Variants in CDH18 observed in about 807,000 individuals in gnomAD.
The protein encoded by CDH18 is cadherin 18, also known as cadherin-18.
Under a neutral mutation model 67.9 loss-of-function variants are expected in CDH18, and 31 were observed. That is an observed-to-expected ratio of 0.46 (90% confidence interval 0.34 to 0.62). CDH18 has a LOEUF of 0.62. CDH18 is among the 20% of genes least tolerant of loss of function. CDH18 has a pLI of 0.01. For missense variants in CDH18, 890 were observed against 975.5 expected (o/e 0.91, Z 1.17); for synonymous variants, 362 against 347.2 (o/e 1.04, Z -0.48).
intron 2 of CDH18, among the ~76,000 whole-genome samples, chr5:20,212,813 G>A (rs1605666): frequency 0.71 from 108,138 of 151,998 alleles, 39,469 homozygotes; most frequent in African/African-American, 0.89. Flanking sequence ...TCTTGCCTCA[G>A]TGATGAGGAC....
intron 2 of CDH18, among the ~76,000 whole-genome samples, chr5:19,968,221 G>A (rs1797658841): frequency 6.6e-6 from 1 of 152,100 alleles, no homozygotes; most frequent in Non-Finnish European, 1.5e-5. Context: ...AACATTCCAT[G>A]CTCATGGGTG....
At chr5:20,369,276 G>GA (rs141158894) in intron 1 of CDH18, among the ~76,000 whole-genome samples, 3,498 of 151,144 alleles carry the variant, frequency 0.023, 107 homozygotes, top group East Asian at 0.08. Flanking sequence ...CAGGAAATAA[G>GA]AAAAAAAAGA....
At chr5:19,609,290 C>T (rs771177206) in intron 6 of CDH18, among the ~76,000 whole-genome samples, 1 of 151,804 alleles carries the variant, frequency 6.6e-6, no homozygotes, top group Non-Finnish European at 1.5e-5. Context: ...TTTTGTTTTG[C>T]TTTGTTTTGT....
intron 3 of CDH18, among the ~76,000 whole-genome samples, chr5:19,773,163 A>G (rs1229569571): frequency 6.6e-6 from 1 of 152,168 alleles, no homozygotes; most frequent in African/African-American, 2.4e-5. Flanking sequence ...ACTAAGAACC[A>G]ACTAACTGCA....
intron 2 of CDH18, among the ~76,000 whole-genome samples, chr5:20,210,489 T>C: frequency 6.6e-6 from 1 of 152,128 alleles, no homozygotes; most frequent in South Asian, 2.1e-4. Context: ...ATTGTATTGC[T>C]TAAATGATTA....
At chr5:19,473,952 T>C (rs1368965782) in intron 12 of CDH18, among the ~76,000 whole-genome samples, 2 of 152,152 alleles carry the variant, frequency 1.3e-5, no homozygotes, top group Admixed American at 6.6e-5. Context: ...TGATCTTCTA[T>C]AGAAAACCAC....
At chr5:20,571,829 G>A (rs1758837868) in intron 1 of CDH18, among the ~76,000 whole-genome samples, 1 of 151,986 alleles carries the variant, frequency 6.6e-6, no homozygotes, top group African/African-American at 2.4e-5. Flanking sequence ...CACTCACATT[G>A]TGTATGTCAC....
intron 11 of CDH18, among the ~76,000 whole-genome samples, chr5:19,495,260 T>A (rs1416862159): frequency 6.6e-6 from 1 of 152,170 alleles, no homozygotes; most frequent in Non-Finnish European, 1.5e-5. Flanking sequence ...GCAGCAATCA[T>A]CTTCATGATA....
chr5:19,825,000 A>G (rs1430309216), intron 3 of CDH18, among the ~76,000 whole-genome samples: 2 of 152,108 alleles, frequency 1.3e-5, no homozygotes, highest in Non-Finnish European at 2.9e-5. Flanking sequence ...CTTTTGACCT[A>G]GTGGTTTTAC....
At chr5:20,250,438 G>A (rs1168612485) in intron 2 of CDH18, among the ~76,000 whole-genome samples, 3 of 151,666 alleles carry the variant, frequency 2.0e-5, no homozygotes, top group African/African-American at 7.2e-5. Context: ...GACTGCAGGC[G>A]CCCGCCACCA....
intron 5 of CDH18, among the ~76,000 whole-genome samples, chr5:19,700,546 T>C (rs1763105566): frequency 6.6e-6 from 1 of 152,206 alleles, no homozygotes; most frequent in African/African-American, 2.4e-5. Flanking sequence ...GGGGTTTTCA[T>C]GCACAGTTTC....
intron 1 of CDH18, among the ~76,000 whole-genome samples, chr5:20,540,504 G>C (rs1283321645): frequency 6.6e-6 from 1 of 152,146 alleles, no homozygotes; most frequent in Admixed American, 6.5e-5. Flanking sequence ...ATAAAACTCT[G>C]TGATAGCCAA....
chr5:20,227,016 A>G (rs552063896), intron 2 of CDH18, among the ~76,000 whole-genome samples: 65 of 152,100 alleles, frequency 4.3e-4, no homozygotes, highest in South Asian at 3.5e-3. Flanking sequence ...TCTTAACCCA[A>G]TTATTTTCTC....
chr5:19,937,265 A>G (rs1794375367), intron 2 of CDH18, among the ~76,000 whole-genome samples: 1 of 151,254 alleles, frequency 6.6e-6, no homozygotes, highest in Non-Finnish European at 1.5e-5. Flanking sequence ...TTGATTAGGC[A>G]ATTATTCTTT....
At chr5:19,806,489 T>C (rs1289463306) in intron 3 of CDH18, among the ~76,000 whole-genome samples, 2 of 152,218 alleles carry the variant, frequency 1.3e-5, no homozygotes, top group African/African-American at 2.4e-5. Flanking sequence ...GCCTTATCAA[T>C]GTACATAATA....
Position 20,305,589 on chromosome 5 carries a change from C to T in CDH18, c.-579-50084G>A, listed in dbSNP as rs1346387574. 9.5e-6 allele frequency: 5 copies of T among 524,544 alleles called. No homozygotes were observed. In the East Asian group the frequency reaches 1.8e-4, roughly 19 times the overall value. The allele number at this position is 524,544 out of a possible 1,614,324, so 32.5% of individuals were successfully genotyped here. A position where few individuals can be genotyped will look rare whatever the true frequency, so the allele number is the denominator to read the frequency against. On this transcript the variant is annotated intron_variant, in intron 1 of 14. Coordinates refer to the CDH18 transcript ENST00000507958. ...CTCGGCCGCTTCCGGTCCTGCGCTG[C>T]GGGCCTCAGAGGACTTGGTGCTCGG...
At chr5:20,148,280 A>AG (rs1750821639) in intron 2 of CDH18, among the ~76,000 whole-genome samples, 2 of 149,516 alleles carry the variant, frequency 1.3e-5, no homozygotes, top group African/African-American at 2.5e-5. Flanking sequence ...TTTATTTTTA[A>AG]TAGAGACAGG....
intron 9 of CDH18, among the ~76,000 whole-genome samples, chr5:19,538,552 A>G (rs1485695903): frequency 6.6e-6 from 1 of 152,222 alleles, no homozygotes; most frequent in Non-Finnish European, 1.5e-5. Context: ...ACTTCACAAT[A>G]TAAATTTAAA....
At chr5:19,706,765 T>C (rs1764020112) in intron 5 of CDH18, among the ~76,000 whole-genome samples, 1 of 152,176 alleles carries the variant, frequency 6.6e-6, no homozygotes, top group Admixed American at 6.6e-5. Context: ...ATTACTGGTA[T>C]CCCATATAAT....
Sources: allele counts gnomAD v4.1 joint callset (sites outside exome capture counted in the v4.1 genomes callset), GRCh38; gene constraint gnomAD v4.1.1; transcripts MANE v1.5; gene names NCBI Gene and HGNC (gene_info 2026-07-23, HGNC 2026-07-21).